PARP4: variants seen among roughly 807,000 people sequenced by gnomAD.
The protein encoded by PARP4 is poly(ADP-ribose) polymerase family member 4, also known as protein mono-ADP-ribosyltransferase PARP4.
PARP4 carries 120 observed loss-of-function variants against 187.7 expected under a neutral mutation model. The ratio of observed to expected loss-of-function variants is 0.64; its 90% confidence interval spans 0.55 to 0.74. PARP4 has a LOEUF of 0.74. Ranked by LOEUF, PARP4 falls within the 30% of genes least tolerant of loss-of-function variation. PARP4 has a pLI of 0.00. For synonymous variants in PARP4, 654 were observed against 740.9 expected (o/e 0.88, Z 1.90); for missense variants, 1,836 against 2,070.5 (o/e 0.89, Z 2.20).
chr13:24,503,816 C>T (rs1242417775), intron 1 of PARP4, 39 bp from the exon 2 acceptor site: 1 of 1,567,576 alleles, frequency 6.4e-7, no homozygotes, highest in Non-Finnish European at 8.7e-7. Flanking sequence ...TCTCTTAAGT[C>T]AATATGACAG....
intron 2 of PARP4, among the ~76,000 whole-genome samples, chr13:24,502,957 C>T (rs1243578611): frequency 2.0e-5 from 3 of 152,168 alleles, no homozygotes; most frequent in East Asian, 1.9e-4. Flanking sequence ...TGAGTCAGCT[C>T]ATCAATTCGT....
At position 24,422,529 on chromosome 13, in the gene PARP4, C is replaced by T. The variant is rs1565982739; in HGVS notation, c.4980-1215G>A. Among the ~76,000 whole-genome samples the T allele has an allele frequency of 3.3e-5, 5 of 152,216 alleles. No individual in the cohort carries two copies. In the South Asian group the frequency reaches 1.0e-3, roughly 31 times the overall value. On this transcript the variant is annotated intron_variant, in intron 33 of 33. Transcript: ENST00000381989. ...TGTGCCTACACCCCCATATAATGTG[C>T]TCTTGCATCAATGTTATGTACATCC...
intron 32 of PARP4, among the ~76,000 whole-genome samples, chr13:24,430,459 A>C (rs1870279664): frequency 6.6e-6 from 1 of 152,086 alleles, no homozygotes; most frequent in African/African-American, 2.4e-5. Flanking sequence ...TCGAGACCAC[A>C]CTGGACAACA....
chr13:24,486,555 T>A (rs1050591024), intron 10 of PARP4, among the ~76,000 whole-genome samples: 8 of 152,244 alleles, frequency 5.3e-5, no homozygotes, highest in Admixed American at 3.9e-4. Flanking sequence ...ACTTTATACA[T>A]AGTATTATCC....
chr13:24,421,528 C>T (rs1257081809), intron 33 of PARP4, among the ~76,000 whole-genome samples: 1 of 152,286 alleles, frequency 6.6e-6, no homozygotes, highest in East Asian at 1.9e-4. Context: ...CCGCCACCTC[C>T]TGGCTTCCAC....
intron 18 of PARP4, 67 bp downstream of exon 18, chr13:24,459,905 C>T (rs1410988718): frequency 7.3e-7 from 1 of 1,376,296 alleles, no homozygotes; most frequent in Non-Finnish European, 1.0e-6. Flanking sequence ...ATAAATTCCT[C>T]CACAGCCCTC....
At chr13:24,453,509 A>G in intron 23 of PARP4, 78 bp downstream of exon 23, 1 of 802,370 alleles carries the variant, frequency 1.2e-6, no homozygotes, top group Non-Finnish European at 2.1e-6. Context: ...TGGTGGCTTG[A>G]GTGGCCTAAG....
At chr13:24,510,521 T>A (rs1231468234) in intron 1 of PARP4, among the ~76,000 whole-genome samples, 1 of 128,042 alleles carries the variant, frequency 7.8e-6, no homozygotes, top group Non-Finnish European at 1.6e-5. Flanking sequence ...GCCACTGCAC[T>A]CCAGCCTGGG....
intron 33 of PARP4, among the ~76,000 whole-genome samples, chr13:24,425,543 ATGTGTGTGTGTG>A (rs34792097): frequency 1.4e-5 from 2 of 144,926 alleles, no homozygotes; most frequent in Non-Finnish European, 1.5e-5. Flanking sequence ...GCATGTGTGC[ATGTGTGTGTGTG>A]TGTGTGTGTG....
At chr13:24,460,209 T>G in intron 17 of PARP4, 73 bp from the exon 18 acceptor site, 1 of 1,280,410 alleles carries the variant, frequency 7.8e-7, no homozygotes, top group Non-Finnish European at 1.1e-6. Flanking sequence ...CTCCACGTAC[T>G]TCTTAAGCAA....
intron 10 of PARP4, among the ~76,000 whole-genome samples, chr13:24,489,126 T>C (rs1868482067): frequency 6.6e-6 from 1 of 152,214 alleles, no homozygotes; most frequent in African/African-American, 2.4e-5. Context: ...TACAAGTACC[T>C]ATTTGAGTAC....
chr13:24,491,777 A>G (rs1411163057), intron 9 of PARP4, among the ~76,000 whole-genome samples: 12 of 152,238 alleles, frequency 7.9e-5, no homozygotes, highest in Non-Finnish European at 1.8e-4. Context: ...CTGAGCAGCC[A>G]CAGTGGCTCC....
Position 24,468,402 on chromosome 13 carries a change from T to G in PARP4, c.2133+622A>C, listed in dbSNP as rs1872580783. 1.3e-4 allele frequency among the ~76,000 whole-genome samples: 4 copies of G among 31,036 alleles called. No homozygotes were observed. The Admixed American group carries it at 1.3e-3, about 10-fold the overall frequency. The allele number at this position is 31,036 out of a possible 152,430, so 20.4% of individuals were successfully genotyped here. ...AAAATTGTAAATATATCACACTCCT[T>G]TTTTTTTTTTTTTTTTTTTGAGATG... On this transcript the variant is annotated intron_variant, in intron 17 of 33. Coordinates refer to ENST00000381989, the MANE Select transcript of PARP4 (RefSeq NM_006437.4).
chr13:24,421,911 C>A (rs1157110617), intron 33 of PARP4, among the ~76,000 whole-genome samples: 1 of 152,250 alleles, frequency 6.6e-6, no homozygotes, highest in Non-Finnish European at 1.5e-5. Flanking sequence ...TGAGGTTGTT[C>A]ATTAATATTA....
intron 33 of PARP4, 150 bp downstream of exon 33, chr13:24,426,316 C>A (rs561462882): frequency 1.6e-6 from 1 of 630,544 alleles, no homozygotes; most frequent in Non-Finnish European, 2.7e-6. Context: ...CCACAGGAGA[C>A]TATGGGCAAG....
intron 20 of PARP4, among the ~76,000 whole-genome samples, chr13:24,457,416 A>T (rs1466195374): frequency 3.3e-5 from 5 of 152,156 alleles, no homozygotes; most frequent in Admixed American, 1.3e-4. Context: ...TTGGCAGATG[A>T]GATACAAGCA....
At chr13:24,444,635 C>T (rs1366717172) in intron 27 of PARP4, among the ~76,000 whole-genome samples, 4 of 152,278 alleles carry the variant, frequency 2.6e-5, no homozygotes, top group Non-Finnish European at 5.9e-5. Flanking sequence ...GCAAATATTA[C>T]AAACTTCTTG....
intron 3 of PARP4, among the ~76,000 whole-genome samples, chr13:24,500,786 T>C (rs1266128941): frequency 6.6e-6 from 1 of 152,218 alleles, no homozygotes; most frequent in Non-Finnish European, 1.5e-5. Flanking sequence ...GAGCTTTTGC[T>C]TCATACTTTC....
chr13:24,484,544 T>A, intron 12 of PARP4, 109 bp downstream of exon 12: 1 of 731,010 alleles, frequency 1.4e-6, no homozygotes. Flanking sequence ...AGGTCATATA[T>A]AATAGATAAA....
Sources: gnomAD v4.1 joint callset for allele counts (sites outside exome capture counted in the v4.1 genomes callset) on GRCh38, gnomAD v4.1.1 for gene constraint, MANE v1.5 for transcripts, NCBI Gene and HGNC (gene_info 2026-07-23, HGNC 2026-07-21) for gene names.